Variants in TNNI3K observed in about 807,000 individuals in gnomAD.
The protein encoded by TNNI3K is serine/threonine-protein kinase TNNI3K.
In TNNI3K, 140 loss-of-function variants were observed where a neutral mutation model predicts 114.5. The ratio of observed to expected loss-of-function variants is 1.22; its 90% CI spans 1.07 to 1.41. The LOEUF (loss-of-function observed/expected upper bound fraction) is 1.41. Among genes scored for constraint, TNNI3K ranks in the 40% most tolerant of loss-of-function variants. The pLI, the probability that TNNI3K is intolerant of heterozygous loss-of-function variation, is 0.00. For synonymous variants in TNNI3K, 347 were observed against 347.5 expected (o/e 1.00, Z 0.02); for missense variants, 1,125 against 1,007.6 (o/e 1.12, Z -1.58).
chr1:74,342,719 T>G (rs1422943186), intron 7 of TNNI3K, 123 bp from the exon 8 acceptor site: 3 of 1,275,454 alleles, frequency 2.4e-6, no homozygotes, highest in East Asian at 4.7e-5. Flanking sequence ...TTTATGATTA[T>G]CATTAACTGG....
At chr1:74,394,559 C>G (rs1400578817) in intron 17 of TNNI3K, among the ~76,000 whole-genome samples, 1 of 152,148 alleles carries the variant, frequency 6.6e-6, no homozygotes, top group Non-Finnish European at 1.5e-5. Context: ...CCCCCCTTAG[C>G]TGCCCTCACC....
At chr1:74,483,930 C>A (rs1194243021) in intron 21 of TNNI3K, among the ~76,000 whole-genome samples, 1 of 152,144 alleles carries the variant, frequency 6.6e-6, no homozygotes, top group African/African-American at 2.4e-5. Context: ...ATTAAGCTCA[C>A]AAGCTCTACT....
chr1:74,406,945 C>T (rs1282688561), intron 17 of TNNI3K, among the ~76,000 whole-genome samples: 1 of 152,210 alleles, frequency 6.6e-6, no homozygotes, highest in African/African-American at 2.4e-5. Flanking sequence ...TCTTCCTTAT[C>T]CTCTTCTGGC....
chr1:74,306,899 A>C (rs1351944317), intron 5 of TNNI3K, among the ~76,000 whole-genome samples: 1 of 151,880 alleles, frequency 6.6e-6, no homozygotes, highest in Non-Finnish European at 1.5e-5. Context: ...TTTTTGTTCC[A>C]TTTGCCTTTG....
intron 5 of TNNI3K, among the ~76,000 whole-genome samples, chr1:74,296,343 G>C (rs1217987400): frequency 6.6e-6 from 1 of 151,414 alleles, no homozygotes; most frequent in Non-Finnish European, 1.5e-5. Context: ...TTCCCAAACA[G>C]TGAAAGAGCT....
chr1:74,346,964 A>T (rs1661031284), intron 9 of TNNI3K, among the ~76,000 whole-genome samples: 1 of 151,652 alleles, frequency 6.6e-6, no homozygotes, highest in African/African-American at 2.4e-5. Context: ...TAATGACCCC[A>T]TTTTAAATTA....
chr1:74,529,505 A>C (rs1646552711), intron 23 of TNNI3K, among the ~76,000 whole-genome samples: 1 of 152,238 alleles, frequency 6.6e-6, no homozygotes, highest in African/African-American at 2.4e-5. Context: ...TCAGTGCTGC[A>C]TGTGATTCTG....
At chr1:74,500,477 G>A (rs1669560339) in intron 23 of TNNI3K, among the ~76,000 whole-genome samples, 1 of 150,322 alleles carries the variant, frequency 6.7e-6, no homozygotes, top group Admixed American at 6.6e-5. Flanking sequence ...AGTGGCGGGC[G>A]CCTGTAGTCC....
chr1:74,475,432 G>A (rs2100747738), intron 21 of TNNI3K: 1 of 717,124 alleles, frequency 1.4e-6, no homozygotes, highest in Admixed American at 2.0e-5. Context: ...ATTTCCAGGA[G>A]GCTCTGAACA....
intron 6 of TNNI3K, among the ~76,000 whole-genome samples, chr1:74,333,606 T>A (rs1312317281): frequency 6.6e-6 from 1 of 152,216 alleles, no homozygotes; most frequent in Admixed American, 6.5e-5. Context: ...GGGACTCACT[T>A]TCTGTGTGTG....
intron 23 of TNNI3K, among the ~76,000 whole-genome samples, chr1:74,531,439 C>G (rs190065328): frequency 6.6e-6 from 1 of 152,266 alleles, no homozygotes; most frequent in African/African-American, 2.4e-5. Flanking sequence ...GAAATATCAT[C>G]TTACTCTTTA....
chr1:74,335,786 A>G (rs1660432332), intron 6 of TNNI3K, among the ~76,000 whole-genome samples: 3 of 152,152 alleles, frequency 2.0e-5, no homozygotes, highest in Admixed American at 2.0e-4. Flanking sequence ...CCATGAGTTG[A>G]TCTATCCTAC....
chr1:74,351,251 T>C (rs1661321649), intron 9 of TNNI3K, among the ~76,000 whole-genome samples: 1 of 151,652 alleles, frequency 6.6e-6, no homozygotes, highest in Admixed American at 6.6e-5. Context: ...GATATGAAAT[T>C]CTGGGTTGAA....
intron 17 of TNNI3K, chr1:74,373,711 T>G (rs1570539792): frequency 6.6e-6 from 1 of 151,950 alleles, no homozygotes; most frequent in Non-Finnish European, 1.5e-5. Context: ...CCCAATAACT[T>G]TTATAATTTT....
intron 5 of TNNI3K, among the ~76,000 whole-genome samples, chr1:74,318,855 G>A (rs1659457758): frequency 6.6e-6 from 1 of 152,228 alleles, no homozygotes; most frequent in African/African-American, 2.4e-5. Flanking sequence ...GATCTGAGCT[G>A]TTGCTCCTCT....
At chr1:74,360,299 A>T (rs142661954) in intron 11 of TNNI3K, among the ~76,000 whole-genome samples, 1 of 152,072 alleles carries the variant, frequency 6.6e-6, no homozygotes, top group East Asian at 1.9e-4. Flanking sequence ...CACCCATAAG[A>T]AAAAGTCTCA....
intron 20 of TNNI3K, among the ~76,000 whole-genome samples, chr1:74,458,713 T>C (rs1667328082): frequency 6.6e-6 from 1 of 152,194 alleles, no homozygotes; most frequent in African/African-American, 2.4e-5. Context: ...CCAGAATTTA[T>C]ATGAGTTCCA....
At chr1:74,495,134 C>A (rs983081502) in intron 23 of TNNI3K, among the ~76,000 whole-genome samples, 1 of 152,200 alleles carries the variant, frequency 6.6e-6, no homozygotes, top group Non-Finnish European at 1.5e-5. Flanking sequence ...CCCTTCCTGA[C>A]TGTTATGGAA....
intron 17 of TNNI3K, among the ~76,000 whole-genome samples, chr1:74,398,738 G>A (rs1209903983): frequency 6.6e-6 from 1 of 152,072 alleles, no homozygotes; most frequent in Non-Finnish European, 1.5e-5. Context: ...TTATCTTGAG[G>A]GTGCTAAGAG....
Sources: allele counts gnomAD v4.1 joint callset (sites outside exome capture counted in the v4.1 genomes callset), GRCh38; gene constraint gnomAD v4.1.1; transcripts MANE v1.5; gene names NCBI Gene and HGNC (gene_info 2026-07-23, HGNC 2026-07-21).